The following ORAI2 variants were observed in gnomAD, a reference collection of about 807,000 sequenced individuals.
The protein encoded by ORAI2 is protein orai-2.
ORAI2 carries 10 observed loss-of-function variants against 16.2 expected under a neutral mutation model. The observed-to-expected ratio is 0.62, with a 90% CI of 0.38 to 1.04. The LOEUF (loss-of-function observed/expected upper bound fraction) is 1.04, where lower values mean the gene tolerates loss of function less well. ORAI2 is among the 50% of genes least tolerant of loss of function. The pLI is 0.01. For synonymous variants in ORAI2, 150 were observed against 157.5 expected (o/e 0.95, Z 0.35); for missense variants, 238 against 355.5 (o/e 0.67, Z 2.66).
chr7:102,439,313 C>A lies in ORAI2; in HGVS notation c.225+132C>A, dbSNP rs1040489482. 5.4e-6 allele frequency: 4 copies of A among 742,976 alleles called. No individual in the cohort carries two copies. In the African/African-American group the frequency reaches 7.0e-5, roughly 13 times the overall value. 46.0% of individuals were successfully genotyped at this position (742,976 alleles called of 1,614,324 possible). A position where few individuals can be genotyped will look rare whatever the true frequency, so the allele number is the denominator to read the frequency against. On this transcript the variant is annotated intron_variant, in intron 3 of 3. Transcript: ENST00000495936. ...AGGATGGACCAGTAGGAAGCATCCA[C>A]CCACGTCCCAGCTGCTCTAAGAGGA...
Position 102,438,937 on chromosome 7 carries a change from C to T in ORAI2, c.-13-7C>T. Reference sequence around the variant, plus strand: ...GATGTCTGAGCATGTCTCTCTCCCACCCTTAGCCTGGCTCCCACCATGAGT... The same window carrying T: ...GATGTCTGAGCATGTCTCTCTCCCATCCTTAGCCTGGCTCCCACCATGAGT... On this transcript the variant is annotated splice_region_variant and splice_polypyrimidine_tract_variant and intron_variant, in intron 2 of 3. Transcript: ENST00000495936. 1 of 1,613,038 alleles carries T rather than the reference C, an allele frequency of 6.2e-7. No individual in the cohort carries two copies. The highest frequency in any genetic ancestry group is 8.5e-7 in the Non-Finnish European group (1 of 1,179,344).
Position 102,450,810 on chromosome 7 carries a change from A to G in ORAI2, c.*3758A>G, listed in dbSNP as rs758046760. ...GGTGAGCTGTTGTTGGAGCTGCAGAAACGCCTTGAAGGGCAGCATGGGCGA... is the reference window on the plus strand; with the variant it reads ...GGTGAGCTGTTGTTGGAGCTGCAGAGACGCCTTGAAGGGCAGCATGGGCGA... On this transcript the variant is annotated 3_prime_UTR_variant, in exon 4 of 4. Coordinates refer to ENST00000495936, the MANE Select transcript of ORAI2 (RefSeq NM_001126340.3). 3 of 152,230 alleles carry G rather than the reference A, an allele frequency of 2.0e-5. No homozygotes were observed. Among genetic ancestry groups the G allele is most frequent in the Non-Finnish European group, 2.9e-5 (2 of 68,076 alleles). 9.4% of individuals were successfully genotyped at this position (152,230 alleles called of 1,614,324 possible).
At position 102,454,552 on chromosome 7, in the gene ORAI2, C is replaced by T. The variant is rs941665057; in HGVS notation, c.*7500C>T. 2 of 152,574 alleles carry T rather than the reference C, an allele frequency of 1.3e-5. No individual in the cohort carries two copies. Among genetic ancestry groups the T allele is most frequent in the African/African-American group, 2.4e-5 (1 of 41,580 alleles). The allele number at this position is 152,574 out of a possible 1,614,324, so 9.5% of individuals were successfully genotyped here. A position where few individuals can be genotyped will look rare whatever the true frequency, so the allele number is the denominator to read the frequency against. ...CCTGCCTGTGAGGGAGGACCAGACT[C>T]GGCCTCACCACCTGCCACTCTGAGC... On this transcript the variant is annotated 3_prime_UTR_variant, in exon 4 of 4. Coordinates refer to ENST00000495936, the MANE Select transcript of ORAI2 (RefSeq NM_001126340.3).
Position 102,436,237 on chromosome 7 carries a change from C to A in ORAI2, c.-110C>A. 1.1e-6 allele frequency: 1 copy of A among 877,020 alleles called. No homozygotes were observed. Among genetic ancestry groups the A allele is most frequent in the Non-Finnish European group, 1.4e-6 (1 of 730,916 alleles). The allele number at this position is 877,020 out of a possible 1,614,324, so 54.3% of individuals were successfully genotyped here. A position where few individuals can be genotyped will look rare whatever the true frequency, so the allele number is the denominator to read the frequency against. On this transcript the variant is annotated 5_prime_UTR_variant, in exon 2 of 4. Transcript: ENST00000495936. ...AATTCTCCCCAAGGGAAGGAACGTC[C>A]CAGGGATGGAAGTGCTTGGATGCGG...
chr7:102,442,985 A>G lies in ORAI2; in HGVS notation c.226-3528A>G, dbSNP rs543583544. On this transcript the variant is annotated intron_variant, in intron 3 of 3. Coordinates refer to ENST00000495936, the MANE Select transcript of ORAI2 (RefSeq NM_001126340.3). Reference sequence around the variant, plus strand: ...CAGTGAGCCGAGACAGCGCCACTGCACTCCAGCCTGGGCAACAGAGCAAGA... The same window carrying G: ...CAGTGAGCCGAGACAGCGCCACTGCGCTCCAGCCTGGGCAACAGAGCAAGA... Among the ~76,000 whole-genome samples the G allele has an allele frequency of 9.2e-5, 14 of 151,848 alleles. No individual in the cohort carries two copies. The East Asian group carries it at 2.1e-3, about 23-fold the overall frequency.
intron 3 of ORAI2, among the ~76,000 whole-genome samples, chr7:102,441,113 G>A (rs1004234900): frequency 3.3e-5 from 5 of 149,300 alleles, no homozygotes; most frequent in Admixed American, 2.0e-4. Context: ...GGCTGGGCTC[G>A]AACTCCTGAC....
rs2133242491 is a variant in ORAI2, at chr7:102,452,673, C to T, written c.*5621C>T. On this transcript the variant is annotated 3_prime_UTR_variant, in exon 4 of 4. Transcript: ENST00000495936. ...CCCAGTCTGGTCTTGAACTTCTGGC[C>T]TCAAGCGACCCTCCTGCCTTGGCCT... The T allele has an allele frequency of 6.6e-6, 1 of 150,448 alleles. No homozygotes were observed. Among genetic ancestry groups the T allele is most frequent in the East Asian group, 2.0e-4 (1 of 4,960 alleles). 9.3% of individuals were successfully genotyped at this position (150,448 alleles called of 1,614,324 possible). A position where few individuals can be genotyped will look rare whatever the true frequency, so the allele number is the denominator to read the frequency against.
At chr7:102,444,235 T>TTTTTA (rs889401018) in intron 3 of ORAI2, among the ~76,000 whole-genome samples, 3 of 151,906 alleles carry the variant, frequency 2.0e-5, no homozygotes, top group Non-Finnish European at 2.9e-5. Context: ...GTGAGTTATT[T>TTTTTA]TTTTATTTTA....
chr7:102,446,158 A>T (rs57307671), intron 3 of ORAI2, among the ~76,000 whole-genome samples: 21,806 of 152,128 alleles, frequency 0.14, 1,876 homozygotes, highest in East Asian at 0.36. Context: ...CATGTTGGCC[A>T]GGCTGGTCTC....
At chr7:102,435,614 G>A (rs1797040621) in intron 1 of ORAI2, among the ~76,000 whole-genome samples, 1 of 146,160 alleles carries the variant, frequency 6.8e-6, no homozygotes, top group Admixed American at 7.0e-5. Flanking sequence ...TTGGCTCACT[G>A]CAACCTCTGC....
At chr7:102,445,885 CTT>C (rs1563638115) in intron 3 of ORAI2, among the ~76,000 whole-genome samples, 2 of 149,994 alleles carry the variant, frequency 1.3e-5, no homozygotes, top group African/African-American at 4.9e-5. Context: ...CTTTCTCTCT[CTT>C]TCTTTCTCTC....
intron 2 of ORAI2, 53 bp downstream of exon 2, chr7:102,436,386 T>C: frequency 1.0e-6 from 1 of 977,772 alleles, no homozygotes; most frequent in African/African-American, 1.7e-5. Flanking sequence ...AGAGGTCTTG[T>C]TGGCCAGGGA....
In ORAI2 at chr7:102,451,796, TG is replaced by T. The variant is rs1797526305; in HGVS notation, c.*4746del. The T allele has an allele frequency of 6.6e-6, 1 of 152,264 alleles. No homozygotes were observed. The highest frequency in any genetic ancestry group is 6.5e-5 in the Admixed American group (1 of 15,286). The allele number at this position is 152,264 out of a possible 1,614,324, so 9.4% of individuals were successfully genotyped here. On this transcript the variant is annotated 3_prime_UTR_variant, in exon 4 of 4. Transcript: ENST00000495936. Reference sequence around the variant, plus strand: ...CCCAGGCTGCCCCGGCAAGGGGGCGTGGACATCTCTAGAATGGAGGCAGGGT... The same window carrying T: ...CCCAGGCTGCCCCGGCAAGGGGGCGTGACATCTCTAGAATGGAGGCAGGGT...
chr7:102,441,337 C>G (rs1213415287), intron 3 of ORAI2, among the ~76,000 whole-genome samples: 2 of 150,602 alleles, frequency 1.3e-5, no homozygotes, highest in Non-Finnish European at 3.0e-5. Context: ...GTCAGGAGTT[C>G]GAGACCAGCC....
chr7:102,443,395 C>T (rs1242282509), intron 3 of ORAI2, among the ~76,000 whole-genome samples: 1 of 151,328 alleles, frequency 6.6e-6, no homozygotes, highest in Non-Finnish European at 1.5e-5. Context: ...TCTCCTGCCT[C>T]AGCCTCCCAA....
chr7:102,445,611 C>G (rs185283424), intron 3 of ORAI2, among the ~76,000 whole-genome samples: 1 of 151,958 alleles, frequency 6.6e-6, no homozygotes, highest in Non-Finnish European at 1.5e-5. Context: ...CCACCATGCC[C>G]GGCTAATTTT....
chr7:102,443,087 C>CTTT (rs1462013214), intron 3 of ORAI2, among the ~76,000 whole-genome samples: 6 of 95,068 alleles, frequency 6.3e-5, no homozygotes, highest in Non-Finnish European at 1.4e-4. Context: ...ATTGCCTTCT[C>CTTT]TTTTCTTCTT....
In ORAI2 at chr7:102,455,006, A is replaced by G. The variant is rs548848617; in HGVS notation, c.*7954A>G. On this transcript the variant is annotated 3_prime_UTR_variant, in exon 4 of 4. Coordinates refer to ENST00000495936, the MANE Select transcript of ORAI2 (RefSeq NM_001126340.3). ...AGCCTGGGCAACATAGCAAGACTCT[A>G]TCTCCACTAAAAATCAAAACAAAAC... 2.0e-5 allele frequency: 3 copies of G among 152,564 alleles called. No homozygotes were observed. In the South Asian group the frequency reaches 6.2e-4, roughly 31 times the overall value. The allele number at this position is 152,564 out of a possible 1,614,324, so 9.5% of individuals were successfully genotyped here.
chr7:102,443,010 A>T (rs1425325172), intron 3 of ORAI2, among the ~76,000 whole-genome samples: 1 of 150,560 alleles, frequency 6.6e-6, no homozygotes, highest in Non-Finnish European at 1.5e-5. Context: ...ACAGAGCAAG[A>T]CTCTGTCTCA....
Sources: allele counts gnomAD v4.1 joint callset (sites outside exome capture counted in the v4.1 genomes callset), GRCh38; gene constraint gnomAD v4.1.1; transcripts MANE v1.5; gene names NCBI Gene and HGNC (gene_info 2026-07-23, HGNC 2026-07-21).